Variants in PXDNL observed in about 807,000 individuals in gnomAD.
PXDNL encodes the protein probable oxidoreductase PXDNL.
Under a neutral mutation model 150.8 loss-of-function variants are expected in PXDNL, and 145 were observed. The observed-to-expected ratio is 0.96, with a 90% CI of 0.84 to 1.10. The LOEUF (loss-of-function observed/expected upper bound fraction) is 1.10, where lower values mean the gene tolerates loss of function less well. Ranked by LOEUF, PXDNL falls within the 50% of genes least tolerant of loss-of-function variation. PXDNL has a pLI of 0.00. For synonymous variants in PXDNL, 757 were observed against 725.7 expected, an observed-to-expected ratio of 1.04 and a Z score of -0.69; for missense variants, 2,087 against 1,873.9, an observed-to-expected ratio of 1.11 and a Z score of -2.10.
intron 16 of PXDNL, 24 bp downstream of exon 16, chr8:51,411,226 G>A (rs766772968): frequency 1.4e-6 from 2 of 1,415,440 alleles, no homozygotes; most frequent in South Asian, 1.8e-5. Flanking sequence ...AGTAGGCTGA[G>A]AATAAAATGG....
intron 21 of PXDNL, among the ~76,000 whole-genome samples, chr8:51,329,803 A>G (rs1366357198): frequency 6.6e-6 from 1 of 152,238 alleles, no homozygotes; most frequent in East Asian, 1.9e-4. Flanking sequence ...CTCCAGGGAA[A>G]TAAAACCAAT....
chr8:51,605,980 C>A (rs187187441), intron 2 of PXDNL, among the ~76,000 whole-genome samples: 1 of 152,144 alleles, frequency 6.6e-6, no homozygotes, highest in Non-Finnish European at 1.5e-5. Flanking sequence ...GCCATGCACT[C>A]GGACTTCTCA....
intron 4 of PXDNL, among the ~76,000 whole-genome samples, chr8:51,551,125 G>C (rs192269837): frequency 6.6e-6 from 1 of 151,342 alleles, no homozygotes; most frequent in Non-Finnish European, 1.5e-5. Context: ...TAACCAAAGA[G>C]GTAAAAGATC....
chr8:51,489,233 G>C (rs535448616), intron 5 of PXDNL, among the ~76,000 whole-genome samples: 2 of 152,206 alleles, frequency 1.3e-5, no homozygotes, highest in East Asian at 3.8e-4. Flanking sequence ...CAAAATTGTG[G>C]ATGGATTTGT....
intron 19 of PXDNL, among the ~76,000 whole-genome samples, chr8:51,350,710 G>A (rs945407924): frequency 3.9e-5 from 6 of 152,100 alleles, no homozygotes; most frequent in Non-Finnish European, 8.8e-5. Flanking sequence ...TGGTGACAAG[G>A]AAAAGGGAGC....
chr8:51,415,590 T>C (rs979332009), intron 14 of PXDNL, among the ~76,000 whole-genome samples: 2 of 152,154 alleles, frequency 1.3e-5, no homozygotes, highest in Non-Finnish European at 1.5e-5. Context: ...GGACATGAGA[T>C]ATGGACAGGG....
intron 21 of PXDNL, among the ~76,000 whole-genome samples, chr8:51,329,513 G>GA (rs1031000851): frequency 3.3e-5 from 5 of 152,064 alleles, no homozygotes; most frequent in East Asian, 1.9e-4. Context: ...CAAAGGAAGG[G>GA]AAAAAACACA....
At chr8:51,570,682 G>A (rs190622816) in intron 3 of PXDNL, among the ~76,000 whole-genome samples, 1 of 151,852 alleles carries the variant, frequency 6.6e-6, no homozygotes, top group East Asian at 1.9e-4. Flanking sequence ...CACTATTCAT[G>A]TAGGTTTACT....
chr8:51,707,943 A>T (rs1215927547), intron 1 of PXDNL, among the ~76,000 whole-genome samples: 1 of 152,114 alleles, frequency 6.6e-6, no homozygotes, highest in East Asian at 1.9e-4. Flanking sequence ...ACAAATATAT[A>T]TATATAATAT....
At chr8:51,555,005 T>A (rs1304416534) in intron 4 of PXDNL, among the ~76,000 whole-genome samples, 1 of 152,192 alleles carries the variant, frequency 6.6e-6, no homozygotes, top group African/African-American at 2.4e-5. Flanking sequence ...TTCAGGTGTT[T>A]GTCACAGTAA....
intron 14 of PXDNL, among the ~76,000 whole-genome samples, chr8:51,414,102 C>CT (rs1294783779): frequency 6.6e-6 from 1 of 151,822 alleles, no homozygotes; most frequent in Non-Finnish European, 1.5e-5. Flanking sequence ...TGATTAAAAA[C>CT]TTGAATAGTA....
At chr8:51,744,826 A>G (rs1423375548) in intron 1 of PXDNL, among the ~76,000 whole-genome samples, 2 of 150,266 alleles carry the variant, frequency 1.3e-5, no homozygotes, top group African/African-American at 4.9e-5. Flanking sequence ...AAAGAAGGAC[A>G]GACAGAAAGA....
intron 17 of PXDNL, among the ~76,000 whole-genome samples, chr8:51,375,200 G>A (rs1235348680): frequency 6.6e-6 from 1 of 152,206 alleles, no homozygotes; most frequent in Non-Finnish European, 1.5e-5. Context: ...GAGATGATAA[G>A]ATAAAAAGTG....
intron 1 of PXDNL, among the ~76,000 whole-genome samples, chr8:51,768,891 C>T (rs533485575): frequency 3.2e-4 from 49 of 152,200 alleles, no homozygotes; most frequent in African/African-American, 1.0e-3. Flanking sequence ...GTCAGGAGAT[C>T]GAGACTATCC....
In PXDNL at chr8:51,475,077, C is replaced by T. The variant is rs760653043; in HGVS notation, c.589G>A (p.Gly197Ser). The T allele has an allele frequency of 5.6e-6, 9 of 1,613,802 alleles. No individual in the cohort carries two copies. The African/African-American group carries it at 1.2e-4, about 22-fold the overall frequency. The stretch of plus-strand genomic sequence containing the variant: ...TGGGTGTGGCCGTGTTGGGCAAAGC[C>T]TTGTAAAAGCTCCCCCAGCCACATC... Reference protein sequence around the residue: ...DLMWLGELLQGFAQHGHTQAA... With the variant: ...DLMWLGELLQSFAQHGHTQAA... The change falls in exon 7 of 23, where the codon GGC (glycine) becomes AGC (serine). Residue 197 changes from glycine (G) to serine (S), a missense_variant. By Grantham distance (56) the Gly-to-Ser change is moderately conservative (BLOSUM62 0). Transcript: ENST00000356297.
chr8:51,583,048 T>C (rs1162544241), intron 3 of PXDNL, among the ~76,000 whole-genome samples: 3 of 152,190 alleles, frequency 2.0e-5, no homozygotes, highest in Admixed American at 2.0e-4. Flanking sequence ...TAATATTCAA[T>C]TATTTAAATA....
intron 18 of PXDNL, among the ~76,000 whole-genome samples, chr8:51,373,133 G>T (rs946614215): frequency 2.0e-5 from 3 of 152,142 alleles, no homozygotes; most frequent in African/African-American, 4.8e-5. Context: ...CCTTTACATA[G>T]GTATTTAAGG....
intron 3 of PXDNL, among the ~76,000 whole-genome samples, chr8:51,559,992 C>T (rs1812687905): frequency 6.6e-6 from 1 of 151,640 alleles, no homozygotes; most frequent in Non-Finnish European, 1.5e-5. Context: ...AAATACAAAA[C>T]CTAGAAATAG....
chr8:51,497,947 T>C (rs948802364), intron 5 of PXDNL, among the ~76,000 whole-genome samples: 1 of 152,118 alleles, frequency 6.6e-6, no homozygotes, highest in African/African-American at 2.4e-5. Flanking sequence ...ACCCAAAGGA[T>C]TATAAATCAT....
Sources: allele counts gnomAD v4.1 joint callset (sites outside exome capture counted in the v4.1 genomes callset), GRCh38; gene constraint gnomAD v4.1.1; transcripts MANE v1.5; gene names NCBI Gene and HGNC (gene_info 2026-07-23, HGNC 2026-07-21).